ZNF362: variants seen among roughly 807,000 people sequenced by gnomAD.
ZNF362 encodes the protein zinc finger protein 362.
ZNF362 carries 11 observed loss-of-function variants against 42.9 expected under a neutral mutation model. The observed-to-expected ratio is 0.26, with a 90% CI of 0.16 to 0.42. ZNF362 has a LOEUF of 0.42. Ranked by LOEUF, ZNF362 falls within the 20% of genes least tolerant of loss-of-function variation. The pLI, the probability that ZNF362 is intolerant of heterozygous loss-of-function variation, is 1.00. For synonymous variants in ZNF362, 255 were observed against 257.3 expected, an observed-to-expected ratio of 0.99 and a Z score of 0.09; for missense variants, 362 against 576.2, an observed-to-expected ratio of 0.63 and a Z score of 3.81.
At chr1:33,161,541 G>A in the ZNF362 span, among the ~76,000 whole-genome samples, 6 of 152,142 alleles carry the variant, frequency 3.9e-5, no homozygotes, top group African/African-American at 1.2e-4. This position sits in a 1 kb window ranked among gnomAD's most constrained non-coding sequence, Gnocchi z 4.3. Flanking sequence ...AACTGCTGGC[G>A]GTGGGCCAGC....
At chr1:33,131,556 A>G in the ZNF362 span, among the ~76,000 whole-genome samples, 2 of 152,238 alleles carry the variant, frequency 1.3e-5, no homozygotes, top group Non-Finnish European at 1.5e-5. Context: ...AACGATTTCA[A>G]TAATTTTTAA....
chr1:33,173,844 C>T, the ZNF362 span, among the ~76,000 whole-genome samples: 1 of 151,666 alleles, frequency 6.6e-6, no homozygotes, highest in Non-Finnish European at 1.5e-5. Context: ...ACACTACAGG[C>T]ATGCATCATG....
At chr1:33,271,187 A>G (rs2148081605) in intron 2 of ZNF362, among the ~76,000 whole-genome samples, 1 of 152,288 alleles carries the variant, frequency 6.6e-6, no homozygotes, top group African/African-American at 2.4e-5. Flanking sequence ...GGAGTCAGGG[A>G]GCAGCCTTTA....
chr1:33,288,723 G>A (rs1454487032), intron 6 of ZNF362, among the ~76,000 whole-genome samples: 3 of 85,442 alleles, frequency 3.5e-5, no homozygotes, highest in African/African-American at 7.5e-5. Context: ...CAGCCTCGGC[G>A]ATAGAGCGAG....
the ZNF362 span, among the ~76,000 whole-genome samples, chr1:33,198,083 CA>C: frequency 5.9e-5 from 9 of 152,172 alleles, no homozygotes; most frequent in African/African-American, 2.2e-4. Context: ...ACATTAAGAA[CA>C]AAGCTAAAGA....
the ZNF362 span, among the ~76,000 whole-genome samples, chr1:33,187,726 T>C: frequency 2.0e-5 from 3 of 152,182 alleles, no homozygotes; most frequent in Non-Finnish European, 4.4e-5. Context: ...CACAATTATG[T>C]CCTCTGGTAG....
At chr1:33,282,260 A>G (rs1013936857) in intron 6 of ZNF362, among the ~76,000 whole-genome samples, 1 of 152,220 alleles carries the variant, frequency 6.6e-6, no homozygotes, top group African/African-American at 2.4e-5. Flanking sequence ...CTTGAAGGCA[A>G]GAGCTCAGTC....
At chr1:33,232,736 T>C in the ZNF362 span, among the ~76,000 whole-genome samples, 1 of 152,228 alleles carries the variant, frequency 6.6e-6, no homozygotes, top group African/African-American at 2.4e-5. Context: ...CTTGTTATTA[T>C]GTGAGAAAAT....
intron 2 of ZNF362, among the ~76,000 whole-genome samples, chr1:33,272,321 C>T (rs886954996): frequency 6.6e-6 from 1 of 152,060 alleles, no homozygotes; most frequent in East Asian, 1.9e-4. Context: ...GCTTGGGGCT[C>T]GGGGAGGGCA....
the ZNF362 span, among the ~76,000 whole-genome samples, chr1:33,222,340 A>T: frequency 6.6e-6 from 1 of 152,056 alleles, no homozygotes; most frequent in Non-Finnish European, 1.5e-5. Context: ...TACCTCCAAA[A>T]TATATCTCAG....
the ZNF362 span, chr1:33,176,503 C>A: frequency 1.5e-6 from 1 of 668,992 alleles, no homozygotes; most frequent in Non-Finnish European, 2.8e-6. Context: ...CTGGAGGGGG[C>A]GGCTGAGACT....
chr1:33,152,693 T>A, the ZNF362 span, among the ~76,000 whole-genome samples: 1 of 152,228 alleles, frequency 6.6e-6, no homozygotes, highest in African/African-American at 2.4e-5. Flanking sequence ...ACAAATAATT[T>A]AATCTGCATA....
chr1:33,214,937 G>T, the ZNF362 span, among the ~76,000 whole-genome samples: 7 of 152,134 alleles, frequency 4.6e-5, no homozygotes, highest in African/African-American at 7.2e-5. Context: ...TAGTTTGAAG[G>T]TTCCTCAAAA....
At chr1:33,298,440 A>G (rs930787786) in intron 8 of ZNF362, among the ~76,000 whole-genome samples, 6 of 152,174 alleles carry the variant, frequency 3.9e-5, no homozygotes, top group African/African-American at 1.4e-4. Flanking sequence ...CACCACAGCA[A>G]CCTGTTGAGG....
intron 1 of ZNF362, among the ~76,000 whole-genome samples, chr1:33,267,870 A>G (rs1355248048): frequency 6.6e-6 from 1 of 152,230 alleles, no homozygotes; most frequent in East Asian, 1.9e-4. Context: ...ATGACCAAGA[A>G]TGGGATCACT....
At chr1:33,143,656 A>C in the ZNF362 span, among the ~76,000 whole-genome samples, 5 of 152,272 alleles carry the variant, frequency 3.3e-5, no homozygotes, top group African/African-American at 1.2e-4. Context: ...CAGGCTGTAG[A>C]TGAAGATCCA....
At chr1:33,189,644 T>TATATATATATATATGTATATATATAC in the ZNF362 span, among the ~76,000 whole-genome samples, 5 of 16,868 alleles carry the variant, frequency 3.0e-4, no homozygotes, top group African/African-American at 5.8e-4. Flanking sequence ...CATATATATA[T>TATATATATATATATGTATATATATAC]ATATATATAT....
chr1:33,218,968 CA>C, the ZNF362 span, among the ~76,000 whole-genome samples: 4 of 151,070 alleles, frequency 2.6e-5, no homozygotes, highest in African/African-American at 9.7e-5. Context: ...CACACACACA[CA>C]CACACACACA....
the ZNF362 span, among the ~76,000 whole-genome samples, chr1:33,239,730 A>G: frequency 6.6e-6 from 1 of 152,266 alleles, no homozygotes; most frequent in South Asian, 2.1e-4. Context: ...AATTACCTCC[A>G]CCTTGTCCTG....
Sources: allele counts gnomAD v4.1 joint callset (sites outside exome capture counted in the v4.1 genomes callset), GRCh38; gene constraint gnomAD v4.1.1; non-coding constraint Gnocchi (gnomAD v3.1); transcripts MANE v1.5; gene names NCBI Gene and HGNC (gene_info 2026-07-23, HGNC 2026-07-21).